RTN1: variants seen among roughly 807,000 people sequenced by gnomAD.
RTN1 encodes reticulon-1.
Under a neutral mutation model 65.5 loss-of-function variants are expected in RTN1, and 25 were observed. The observed-to-expected ratio is 0.38, with a 90% CI of 0.28 to 0.53. The LOEUF (loss-of-function observed/expected upper bound fraction) is 0.53. Ranked by LOEUF, RTN1 falls within the 20% of genes least tolerant of loss-of-function variation. RTN1 has a pLI of 0.79. For missense variants in RTN1, 983 were observed against 1,025.4 expected, an observed-to-expected ratio of 0.96 and a Z score of 0.57; for synonymous variants, 471 against 447.6, an observed-to-expected ratio of 1.05 and a Z score of -0.66.
chr14:59,746,240 T>C lies in RTN1; in HGVS notation c.483A>G (p.Leu161=), dbSNP rs1479622920. The change falls in exon 2 of 9, where the codon TTA becomes TTG. Residue 161 remains leucine, a synonymous_variant. Coordinates refer to ENST00000267484, the MANE Select transcript of RTN1 (RefSeq NM_021136.3). ...PDVPGIESRG[L]FSSDSGIEMT... is the part of the protein sequence containing the mutation. ...TCTCTATTCCAGAATCAGAACTAAA[T>C]AAGCCACGAGACTCTATCCCAGGCA... The C allele has an allele frequency of 6.2e-7, 1 of 1,612,792 alleles. No individual in the cohort carries two copies. The highest frequency in any genetic ancestry group is 1.3e-5 in the African/African-American group (1 of 74,834).
At chr14:59,604,865 G>A (rs189291919) in intron 5 of RTN1, 3 of 152,362 alleles carry the variant, frequency 2.0e-5, no homozygotes, top group East Asian at 1.9e-4. Flanking sequence ...AGGTGCCCCT[G>A]ATCCTCATCA....
chr14:59,671,826 A>T (rs1346746319), intron 3 of RTN1, among the ~76,000 whole-genome samples: 4 of 152,122 alleles, frequency 2.6e-5, no homozygotes, highest in Non-Finnish European at 5.9e-5. Flanking sequence ...ACAGAGCTGG[A>T]CCTGGGCTCA....
intron 1 of RTN1, among the ~76,000 whole-genome samples, chr14:59,859,306 A>T (rs550473045): frequency 1.3e-5 from 2 of 152,200 alleles, no homozygotes; most frequent in Admixed American, 6.5e-5. Flanking sequence ...GCGAGATCTG[A>T]TGGTTTTATA....
At chr14:59,782,597 C>G (rs771459338) in intron 1 of RTN1, among the ~76,000 whole-genome samples, 1 of 152,144 alleles carries the variant, frequency 6.6e-6, no homozygotes, top group Non-Finnish European at 1.5e-5. Flanking sequence ...TCCCAAGTCT[C>G]TTACCTAATT....
chr14:59,765,535 T>C (rs1011590322), intron 1 of RTN1, among the ~76,000 whole-genome samples: 1 of 152,224 alleles, frequency 6.6e-6, no homozygotes, highest in Non-Finnish European at 1.5e-5. Flanking sequence ...TAGTCTGAAA[T>C]GAATCTGTGA....
chr14:59,861,533 T>C (rs767697401), intron 1 of RTN1, among the ~76,000 whole-genome samples: 4 of 152,232 alleles, frequency 2.6e-5, no homozygotes, highest in Non-Finnish European at 5.9e-5. Context: ...TTTAGGAAGA[T>C]ATAAACATCT....
intron 1 of RTN1, among the ~76,000 whole-genome samples, chr14:59,847,902 T>C (rs532348928): frequency 2.0e-5 from 3 of 152,302 alleles, no homozygotes; most frequent in South Asian, 4.1e-4. Context: ...AGTCAGGAAG[T>C]GGGCTCAGGG....
At chr14:59,791,879 C>A (rs190695331) in intron 1 of RTN1, among the ~76,000 whole-genome samples, 146 of 152,214 alleles carry the variant, frequency 9.6e-4, no homozygotes, top group Middle Eastern at 3.4e-3. Flanking sequence ...TGATGAGACA[C>A]CGAGGGCATA....
At chr14:59,634,349 A>G (rs1882618925) in intron 3 of RTN1, among the ~76,000 whole-genome samples, 1 of 152,226 alleles carries the variant, frequency 6.6e-6, no homozygotes, top group South Asian at 2.1e-4. Context: ...AACCAAAAAT[A>G]TACTTCATTA....
chr14:59,604,264 C>G (rs1390083230), intron 5 of RTN1: 1 of 166,752 alleles, frequency 6.0e-6, no homozygotes, highest in Non-Finnish European at 1.3e-5. Flanking sequence ...TTAATATTTT[C>G]TAATATATGA....
At position 59,829,109 on chromosome 14, in the gene RTN1, C is replaced by T. The variant is rs1315081701; in HGVS notation, c.241+41281G>A. Reference sequence around the variant, plus strand: ...GTCTCCAGATGAGCTGCTTACTTCCCATCATTTATACTTAAAAGGCAACTA... The same window carrying T: ...GTCTCCAGATGAGCTGCTTACTTCCTATCATTTATACTTAAAAGGCAACTA... On this transcript the variant is annotated intron_variant, in intron 1 of 8. Transcript: ENST00000267484. The surrounding 1 kb of genome is among the most constrained non-coding windows in gnomAD (Gnocchi z 4.3). Among the ~76,000 whole-genome samples, 3 of 152,100 alleles carry T rather than the reference C, an allele frequency of 2.0e-5. No homozygotes were observed. The highest frequency in any genetic ancestry group is 4.4e-5 in the Non-Finnish European group (3 of 68,022).
chr14:59,657,703 C>T (rs1430787117), intron 3 of RTN1, among the ~76,000 whole-genome samples: 2 of 152,210 alleles, frequency 1.3e-5, no homozygotes, highest in African/African-American at 4.8e-5. Flanking sequence ...AGGAATGGTG[C>T]ATTCTGGCCC....
At chr14:59,729,286 G>A (rs1594705339) in intron 2 of RTN1, among the ~76,000 whole-genome samples, 1 of 152,128 alleles carries the variant, frequency 6.6e-6, no homozygotes, top group African/African-American at 2.4e-5. Flanking sequence ...AAGGAGTTGG[G>A]GCAGATCATG....
intron 3 of RTN1, among the ~76,000 whole-genome samples, chr14:59,614,646 C>G (rs192268406): frequency 6.6e-6 from 1 of 152,138 alleles, no homozygotes; most frequent in Non-Finnish European, 1.5e-5. Flanking sequence ...GCTTTAAGGT[C>G]AAGCTGTTTC....
rs1463575874 is a variant in RTN1 at position 59,816,863 on chromosome 14, G to A, written c.241+53527C>T. On this transcript the variant is annotated intron_variant, in intron 1 of 8. Coordinates refer to ENST00000267484, the MANE Select transcript of RTN1 (RefSeq NM_021136.3). This position sits in a 1 kb window ranked among gnomAD's most constrained non-coding sequence, Gnocchi z 4.3. ...TGGGAGGATCACCTGAGCCTGAGAGGCGGAGGTTGCAGTGAGTCGAGATCG... is the reference window on the plus strand; with the variant it reads ...TGGGAGGATCACCTGAGCCTGAGAGACGGAGGTTGCAGTGAGTCGAGATCG... Among the ~76,000 whole-genome samples the A allele has an allele frequency of 6.6e-5, 10 of 152,172 alleles. No homozygotes were observed. The highest frequency in any genetic ancestry group is 2.4e-4 in the African/African-American group (10 of 41,436).
At chr14:59,808,586 C>G (rs1292726175) in intron 1 of RTN1, among the ~76,000 whole-genome samples, 1 of 152,274 alleles carries the variant, frequency 6.6e-6, no homozygotes, top group East Asian at 1.9e-4. Flanking sequence ...GAAGAGGAGG[C>G]TTACGTTTAC....
intron 1 of RTN1, among the ~76,000 whole-genome samples, 191 bp from the exon 2 acceptor site, chr14:59,746,672 T>C (rs2139510274): frequency 6.6e-6 from 1 of 152,234 alleles, no homozygotes; most frequent in Non-Finnish European, 1.5e-5. Flanking sequence ...TCCATACTTG[T>C]GGTATTTTTC....
At chr14:59,755,427 A>G (rs372209823) in intron 1 of RTN1, among the ~76,000 whole-genome samples, 1 of 152,208 alleles carries the variant, frequency 6.6e-6, no homozygotes, top group Non-Finnish European at 1.5e-5. Flanking sequence ...TTAAAATTCA[A>G]GAATTAAAAG....
chr14:59,710,126 T>C (rs1235862170), intron 3 of RTN1, among the ~76,000 whole-genome samples: 1 of 151,244 alleles, frequency 6.6e-6, no homozygotes. Context: ...CACTGAAGCC[T>C]TACCCTCCCA....
Sources: gnomAD v4.1 joint callset for allele counts (sites outside exome capture counted in the v4.1 genomes callset) on GRCh38, gnomAD v4.1.1 for gene constraint, Gnocchi (gnomAD v3.1) non-coding constraint, MANE v1.5 for transcripts, NCBI Gene and HGNC (gene_info 2026-07-23, HGNC 2026-07-21) for gene names.